The following AFF2 variants were observed in gnomAD, a reference collection of about 807,000 sequenced individuals.
The protein encoded by AFF2 is ALF transcription elongation factor 2.
AFF2 carries 14 observed loss-of-function variants against 76.9 expected under a neutral mutation model. The ratio of observed to expected loss-of-function variants is 0.18; its 90% CI spans 0.12 to 0.28. The LOEUF (loss-of-function observed/expected upper bound fraction) is 0.28, where lower values mean the gene tolerates loss of function less well. Ranked by LOEUF, AFF2 falls within the 10% of genes least tolerant of loss-of-function variation. The pLI is 1.00. For synonymous variants in AFF2, 398 were observed against 366.7 expected (o/e 1.09, Z -0.98); for missense variants, 868 against 1,001.1 (o/e 0.87, Z 1.79).
intron 4 of AFF2, among the ~76,000 whole-genome samples, chrX:148,820,375 A>G (rs1343748025): frequency 8.9e-6 from 1 of 111,781 alleles, no homozygotes; most frequent in Non-Finnish European, 1.9e-5. Context: ...TAGAAAAACT[A>G]TGTGAACAAA....
At chrX:148,840,725 G>C (rs975131664) in intron 5 of AFF2, among the ~76,000 whole-genome samples, 2 of 112,383 alleles carry the variant, frequency 1.8e-5, no homozygotes, top group Non-Finnish European at 3.8e-5. Context: ...GAACTGTGCA[G>C]ATTATTTCTA....
At chrX:148,707,666 A>G (rs576217340) in intron 3 of AFF2, among the ~76,000 whole-genome samples, 3 of 110,773 alleles carry the variant, frequency 2.7e-5, no homozygotes, top group African/African-American at 9.8e-5. Context: ...GTTCAAACTG[A>G]GTCTCCAAGG....
intron 4 of AFF2, among the ~76,000 whole-genome samples, chrX:148,836,010 C>T (rs1203003257): frequency 9.0e-6 from 1 of 111,375 alleles, no homozygotes; most frequent in Admixed American, 9.6e-5. Flanking sequence ...CAGGAAAAAC[C>T]ATCTAAATTG....
intron 8 of AFF2, among the ~76,000 whole-genome samples, chrX:148,903,696 C>T (rs1557281127): frequency 9.0e-6 from 1 of 111,405 alleles, no homozygotes; most frequent in Non-Finnish European, 1.9e-5. Flanking sequence ...TCTGTGGTGT[C>T]GGCTAATAAA....
chrX:148,829,546 A>T (rs1397349951), intron 4 of AFF2, among the ~76,000 whole-genome samples: 1 of 112,036 alleles, frequency 8.9e-6, no homozygotes, highest in African/African-American at 3.2e-5. Flanking sequence ...CATCCCTGGG[A>T]GAATGACAAA....
At chrX:148,580,349 C>A (rs1471669230) in intron 1 of AFF2, among the ~76,000 whole-genome samples, 2 of 110,905 alleles carry the variant, frequency 1.8e-5, no homozygotes, top group Non-Finnish European at 1.9e-5. Context: ...TGTAAAAGAA[C>A]CCCCAAGTAA....
At chrX:148,742,079 T>G (rs145979421) in intron 3 of AFF2, among the ~76,000 whole-genome samples, 6,325 of 111,170 alleles carry the variant, frequency 0.057, 144 homozygotes, top group Middle Eastern at 0.16. Context: ...TGTTCTTGCA[T>G]TCAATCTGGA....
chrX:148,743,322 A>G (rs2055383073), intron 3 of AFF2, among the ~76,000 whole-genome samples: 2 of 112,342 alleles, frequency 1.8e-5, no homozygotes, highest in African/African-American at 6.5e-5. Flanking sequence ...GTGTCCTTCA[A>G]TTGATGAAAG....
intron 3 of AFF2, among the ~76,000 whole-genome samples, chrX:148,762,319 A>G (rs1334300002): frequency 3.7e-5 from 4 of 108,535 alleles, no homozygotes; most frequent in Non-Finnish European, 7.6e-5. Flanking sequence ...TTCCTGAGTT[A>G]CTTCACTTAG....
At chrX:148,981,070 A>G (rs1312760608) in intron 19 of AFF2, among the ~76,000 whole-genome samples, 1 of 112,066 alleles carries the variant, frequency 8.9e-6, no homozygotes, top group Non-Finnish European at 1.9e-5. Context: ...AGGCAGGACA[A>G]AGTTAACTCC....
At chrX:148,629,748 G>C (rs1015131887) in intron 1 of AFF2, among the ~76,000 whole-genome samples, 2 of 111,533 alleles carry the variant, frequency 1.8e-5, no homozygotes, top group Non-Finnish European at 3.8e-5. Flanking sequence ...AAGTGAGAAG[G>C]CTTCTCAGGA....
chrX:148,793,271 GC>G, intron 3 of AFF2, among the ~76,000 whole-genome samples: 1 of 110,270 alleles, frequency 9.1e-6, no homozygotes, highest in African/African-American at 3.3e-5. Flanking sequence ...GGAGGGCAGG[GC>G]CTACACTGCT....
At chrX:148,754,648 A>G (rs1213544695) in intron 3 of AFF2, among the ~76,000 whole-genome samples, 6 of 111,136 alleles carry the variant, frequency 5.4e-5, no homozygotes, top group Non-Finnish European at 1.1e-4. Context: ...AGGAGGATAG[A>G]GTCCTGTTAC....
intron 3 of AFF2, among the ~76,000 whole-genome samples, chrX:148,693,117 C>T (rs907056469): frequency 9.9e-5 from 11 of 110,788 alleles, no homozygotes; most frequent in Non-Finnish European, 1.9e-4. Flanking sequence ...CGGGGTTTCA[C>T]CGTATTAGCC....
At chrX:148,756,663 T>G (rs1353759553) in intron 3 of AFF2, among the ~76,000 whole-genome samples, 5 of 112,532 alleles carry the variant, frequency 4.4e-5, no homozygotes, top group African/African-American at 1.6e-4. Context: ...AAGGTATAGT[T>G]TTGAATTTTA....
chrX:148,726,763 T>A (rs782436521), intron 3 of AFF2, among the ~76,000 whole-genome samples: 10 of 111,775 alleles, frequency 8.9e-5, no homozygotes, highest in Non-Finnish European at 1.9e-4. Flanking sequence ...CCTGGGGTAT[T>A]GATTTAGGTG....
At position 148,955,840 on chromosome X, in the gene AFF2, C is replaced by T. The variant is rs373295539; in HGVS notation, c.1795C>T (p.Arg599Trp). The change falls in exon 11 of 21, where the codon CGG becomes TGG. Residue 599 changes from arginine to tryptophan, a missense_variant. This residue lies in a region of AFF2 where 532 missense variants were observed against 564.2 expected (regional missense o/e 0.94). Transcript: ENST00000370460. ...LSLIREKARPRPTQKIPETKA... is the reference protein window; with the variant it reads ...LSLIREKARPWPTQKIPETKA... ...TCTCATTAGGGAGAAAGCCCGTCCA[C>T]GGCCCACTCAGAAAATTCCAGAAAC... 6.4e-5 allele frequency: 78 copies of T among 1,209,627 alleles called. No homozygotes were observed. Among genetic ancestry groups the T allele is most frequent in the Non-Finnish European group, 8.3e-5 (74 of 895,208 alleles).
At chrX:148,809,052 A>G (rs1377392680) in intron 3 of AFF2, among the ~76,000 whole-genome samples, 1 of 111,363 alleles carries the variant, frequency 9.0e-6, no homozygotes, top group African/African-American at 3.3e-5. Context: ...TCGGATTGCA[A>G]TCCTGGAGAG....
chrX:148,780,185 T>C (rs2124610811), intron 3 of AFF2, among the ~76,000 whole-genome samples: 1 of 112,207 alleles, frequency 8.9e-6, no homozygotes, highest in South Asian at 3.7e-4. Context: ...TAACATTTTT[T>C]CCTTCATTTC....
Sources: gnomAD v4.1 joint callset for allele counts (sites outside exome capture counted in the v4.1 genomes callset) on GRCh38, gnomAD v4.1.1 for gene constraint, gnomAD v4.1.1 regional missense constraint, MANE v1.5 for transcripts, NCBI Gene and HGNC (gene_info 2026-07-23, HGNC 2026-07-21) for gene names.